LRP1B: variants seen among roughly 807,000 people sequenced by gnomAD.
LRP1B encodes the protein low-density lipoprotein receptor-related protein 1B.
A neutral mutation model predicts 556.6 loss-of-function variants in LRP1B; 217 were observed. That is an observed-to-expected ratio of 0.39 (90% CI 0.35 to 0.44). The LOEUF is 0.44. Among genes scored for constraint, LRP1B ranks in the 20% least tolerant of loss-of-function variants. The pLI, the probability that LRP1B is intolerant of heterozygous loss-of-function variation, is 1.00. For missense variants in LRP1B, 5,053 were observed against 5,620.8 expected (o/e 0.90, Z 3.23); for synonymous variants, 2,047 against 1,865.8 (o/e 1.10, Z -2.50).
At chr2:141,341,916 T>C (rs1441313761) in intron 3 of LRP1B, among the ~76,000 whole-genome samples, 3 of 152,132 alleles carry the variant, frequency 2.0e-5, no homozygotes, top group African/African-American at 7.2e-5. Context: ...ATCATTATCC[T>C]GCATAATCAA....
intron 1 of LRP1B, among the ~76,000 whole-genome samples, chr2:141,903,020 C>G (rs1031587901): frequency 2.6e-5 from 4 of 151,888 alleles, no homozygotes; most frequent in African/African-American, 7.2e-5. Context: ...TTCTTGCATG[C>G]ATCTGCTGAC....
intron 3 of LRP1B, among the ~76,000 whole-genome samples, chr2:141,415,231 T>C (rs1304180167): frequency 1.3e-5 from 2 of 152,308 alleles, no homozygotes; most frequent in South Asian, 2.1e-4. Flanking sequence ...GACAGGATGG[T>C]CTGGATCTCT....
chr2:141,182,742 G>T (rs1681061044), intron 7 of LRP1B, among the ~76,000 whole-genome samples: 1 of 151,876 alleles, frequency 6.6e-6, no homozygotes, highest in Non-Finnish European at 1.5e-5. Context: ...CAATGGGGAT[G>T]TGCATCTGAT....
At chr2:141,363,494 G>A (rs1688911726) in intron 3 of LRP1B, among the ~76,000 whole-genome samples, 1 of 151,800 alleles carries the variant, frequency 6.6e-6, no homozygotes, top group South Asian at 2.1e-4. Flanking sequence ...AACTCCTTCA[G>A]GAATTACTAA....
At chr2:140,605,856 C>G (rs912700047) in intron 41 of LRP1B, among the ~76,000 whole-genome samples, 1 of 152,054 alleles carries the variant, frequency 6.6e-6, no homozygotes, top group African/African-American at 2.4e-5. Context: ...ACTTCCTCAA[C>G]TTGATAAAAG....
intron 2 of LRP1B, among the ~76,000 whole-genome samples, chr2:141,613,631 C>T (rs1275114083): frequency 1.3e-5 from 2 of 152,134 alleles, no homozygotes; most frequent in African/African-American, 4.8e-5. Flanking sequence ...TCCATTTTGG[C>T]TAACCTTCGC....
At chr2:140,797,968 A>G (rs6429845) in intron 32 of LRP1B, among the ~76,000 whole-genome samples, 68,323 of 151,940 alleles carry the variant, frequency 0.45, 17,165 homozygotes, top group East Asian at 0.66. Context: ...GTCTCAGTGA[A>G]AACTGCCATA....
At chr2:140,619,813 A>C (rs1037431034) in intron 41 of LRP1B, among the ~76,000 whole-genome samples, 1 of 152,194 alleles carries the variant, frequency 6.6e-6, no homozygotes, top group African/African-American at 2.4e-5. Flanking sequence ...GAAGCTTCAC[A>C]CAGAAAATGA....
intron 6 of LRP1B, among the ~76,000 whole-genome samples, chr2:141,191,289 T>C (rs1681494207): frequency 6.6e-6 from 1 of 151,960 alleles, no homozygotes; most frequent in Admixed American, 6.6e-5. Context: ...ATTGGCATGG[T>C]CCCAGCTGGA....
At chr2:142,105,816 AAAT>A (rs1197352753) in intron 1 of LRP1B, among the ~76,000 whole-genome samples, 1 of 152,172 alleles carries the variant, frequency 6.6e-6, no homozygotes, top group Admixed American at 6.6e-5. Context: ...AATTTATTTT[AAAT>A]AATAATGTCT....
intron 33 of LRP1B, 118 bp downstream of exon 33, chr2:140,775,980 T>C (rs1689480721): frequency 2.3e-6 from 2 of 877,104 alleles, no homozygotes; most frequent in Admixed American, 2.9e-5. Flanking sequence ...TTTTCCTTTT[T>C]TCTCTGTTTT....
intron 2 of LRP1B, among the ~76,000 whole-genome samples, chr2:141,726,554 G>T (rs375320136): frequency 1.3e-5 from 2 of 152,028 alleles, no homozygotes; most frequent in East Asian, 1.9e-4. Context: ...CCATTTTAAA[G>T]ATTATTAAAA....
chr2:140,653,333 G>A (rs1389864171), intron 41 of LRP1B, among the ~76,000 whole-genome samples: 8 of 152,062 alleles, frequency 5.3e-5, no homozygotes, highest in Non-Finnish European at 8.8e-5. Flanking sequence ...TAAGGACTGA[G>A]AGGAGATATA....
chr2:141,581,179 C>T (rs1686947678), intron 2 of LRP1B, among the ~76,000 whole-genome samples: 1 of 152,128 alleles, frequency 6.6e-6, no homozygotes, highest in Admixed American at 6.5e-5. Flanking sequence ...ATTTTCTTCT[C>T]TCCACTAAAA....
rs70985101 is a variant in LRP1B, at chr2:140,511,292, C to CTTTTTTTT, written c.8270-1244_8270-1237dup. 5.9e-3 allele frequency among the ~76,000 whole-genome samples: 343 copies of CTTTTTTTT among 58,454 alleles called. 91 individuals are homozygous for CTTTTTTTT. The highest frequency in any genetic ancestry group is 0.023 in the African/African-American group (329 of 14,236). The allele number at this position is 58,454 out of a possible 152,430, so 38.3% of individuals were successfully genotyped here. ...TATCAAAATACAATCCTCTAAGGGTCTTTTTTTTTTTTTTTTTTTTTTTTT... is the reference window on the plus strand; with the variant it reads ...TATCAAAATACAATCCTCTAAGGGTCTTTTTTTTTTTTTTTTTTTTTTTTTTTTTTTTT... On this transcript the variant is annotated intron_variant, in intron 51 of 90. Transcript: ENST00000389484.
intron 2 of LRP1B, among the ~76,000 whole-genome samples, chr2:141,632,864 A>G (rs1361640976): frequency 3.8e-5 from 2 of 52,494 alleles, no homozygotes; most frequent in African/African-American, 1.4e-4. Context: ...AAGTGCTACA[A>G]GAACCAAAAA....
intron 7 of LRP1B, among the ~76,000 whole-genome samples, chr2:141,115,464 T>TG (rs1264694659): frequency 9.0e-5 from 13 of 145,218 alleles, no homozygotes; most frequent in African/African-American, 3.4e-4. Flanking sequence ...TTTTGTTTTT[T>TG]TTTTTTTTTT....
At chr2:140,653,360 A>T (rs1175106039) in intron 41 of LRP1B, among the ~76,000 whole-genome samples, 1 of 152,222 alleles carries the variant, frequency 6.6e-6, no homozygotes, top group East Asian at 1.9e-4. Flanking sequence ...TCTTAAGGGA[A>T]TATATTGGTG....
intron 18 of LRP1B, among the ~76,000 whole-genome samples, chr2:140,980,428 C>T (rs1281424798): frequency 2.6e-5 from 4 of 152,138 alleles, no homozygotes; most frequent in Non-Finnish European, 5.9e-5. Flanking sequence ...ATTGGTCAGG[C>T]TCCAGATATT....
Sources: allele counts gnomAD v4.1 joint callset (sites outside exome capture counted in the v4.1 genomes callset), GRCh38; gene constraint gnomAD v4.1.1; transcripts MANE v1.5; gene names NCBI Gene and HGNC (gene_info 2026-07-23, HGNC 2026-07-21).